The following MAPK8IP3 variants were observed in gnomAD, a reference collection of about 807,000 sequenced individuals.
MAPK8IP3 encodes C-Jun-amino-terminal kinase-interacting protein 3.
MAPK8IP3 carries 49 observed loss-of-function variants against 157.8 expected under a neutral mutation model. The ratio of observed to expected loss-of-function variants is 0.31; its 90% CI spans 0.25 to 0.39. MAPK8IP3 has a LOEUF of 0.39. Ranked by LOEUF, MAPK8IP3 falls within the 10% of genes least tolerant of loss-of-function variation. The pLI is 1.00. For missense variants in MAPK8IP3, 1,478 were observed against 1,889.4 expected, an observed-to-expected ratio of 0.78 and a Z score of 4.04; for synonymous variants, 897 against 777.7, an observed-to-expected ratio of 1.15 and a Z score of -2.55.
intron 4 of MAPK8IP3, among the ~76,000 whole-genome samples, chr16:1,735,675 C>A (rs1413040932): frequency 7.4e-6 from 1 of 135,540 alleles, no homozygotes; most frequent in African/African-American, 2.9e-5. Context: ...ATCCGTGTGA[C>A]CGTCCGTGTG....
intron 13 of MAPK8IP3, among the ~76,000 whole-genome samples, 199 bp downstream of exon 13, chr16:1,761,504 A>G (rs1244858511): frequency 6.8e-6 from 1 of 146,288 alleles, no homozygotes; most frequent in Non-Finnish European, 1.5e-5. Flanking sequence ...CACCATTCAC[A>G]GGCGGGGCGG....
At chr16:1,739,407 T>C (rs1415688082) in intron 4 of MAPK8IP3, among the ~76,000 whole-genome samples, 1 of 142,570 alleles carries the variant, frequency 7.0e-6, no homozygotes, top group Non-Finnish European at 1.5e-5. Context: ...TGACCGTCCA[T>C]GTGAGCATCC....
At chr16:1,739,617 ACCGT>A (rs1206288414) in intron 4 of MAPK8IP3, among the ~76,000 whole-genome samples, 8 of 110,640 alleles carry the variant, frequency 7.2e-5, no homozygotes, top group Non-Finnish European at 1.2e-4. Context: ...CTTCCGTGTG[ACCGT>A]CCGTGTGAGC....
intron 1 of MAPK8IP3, among the ~76,000 whole-genome samples, chr16:1,713,242 A>G (rs968703303): frequency 6.6e-6 from 1 of 151,758 alleles, no homozygotes; most frequent in Non-Finnish European, 1.5e-5. Flanking sequence ...GAGGAACTGG[A>G]TTTTTAGTTG....
At chr16:1,766,484 G>A (rs1421242665) in intron 22 of MAPK8IP3, 45 bp from the exon 23 acceptor site, 4 of 1,604,734 alleles carry the variant, frequency 2.5e-6, no homozygotes, top group Non-Finnish European at 3.4e-6. Flanking sequence ...CTTGGGGCAG[G>A]TGCGTGCTCC....
At chr16:1,764,672 G>C (rs1281398729) in intron 19 of MAPK8IP3, among the ~76,000 whole-genome samples, 1 of 152,206 alleles carries the variant, frequency 6.6e-6, no homozygotes, top group Non-Finnish European at 1.5e-5. Context: ...AGGTGGCCTG[G>C]AGTGGGCCTG....
chr16:1,727,815 A>G (rs2038994669), intron 2 of MAPK8IP3, among the ~76,000 whole-genome samples: 1 of 152,162 alleles, frequency 6.6e-6, no homozygotes, highest in African/African-American at 2.4e-5. Context: ...CGCGGCCTCC[A>G]AGGATGTGCC....
intron 4 of MAPK8IP3, among the ~76,000 whole-genome samples, chr16:1,740,254 G>T (rs561798213): frequency 6.9e-6 from 1 of 144,116 alleles, no homozygotes; most frequent in African/African-American, 2.6e-5. Context: ...GTGACCGTTC[G>T]TGTGAGTGTG....
In MAPK8IP3 at chr16:1,706,774, A is replaced by T. The variant is rs1327217280; in HGVS notation, c.318+117A>T. The T allele has an allele frequency of 9.0e-7, 1 of 1,115,426 alleles. No individual in the cohort carries two copies. Among genetic ancestry groups the T allele is most frequent in the African/African-American group, 2.1e-5 (1 of 47,432 alleles). The allele number at this position is 1,115,426 out of a possible 1,614,324, so 69.1% of individuals were successfully genotyped here. On this transcript the variant is annotated intron_variant, in intron 1 of 31. Transcript: ENST00000610761. The surrounding 1 kb of genome is among the most constrained non-coding windows in gnomAD (Gnocchi z 5.1). ...CCGCTCCGGCACCCCGGACCGCGGG[A>T]CCCCTGGACCCCCAGACCCCGCCCC...
intron 4 of MAPK8IP3, among the ~76,000 whole-genome samples, chr16:1,734,347 C>A (rs1212397311): frequency 6.6e-6 from 1 of 152,168 alleles, no homozygotes; most frequent in Non-Finnish European, 1.5e-5. Flanking sequence ...GGTACTGAGC[C>A]GCATCACCAG....
At chr16:1,757,095 C>A (rs1017727020) in intron 8 of MAPK8IP3, among the ~76,000 whole-genome samples, 4 of 152,198 alleles carry the variant, frequency 2.6e-5, no homozygotes, top group African/African-American at 9.6e-5. Context: ...GTTTTGTCAT[C>A]TAAATCAAGT....
At chr16:1,740,381 T>A (rs1053693218) in intron 4 of MAPK8IP3, among the ~76,000 whole-genome samples, 1 of 145,644 alleles carries the variant, frequency 6.9e-6, no homozygotes, top group African/African-American at 2.5e-5. Flanking sequence ...TGACCGTCCG[T>A]GTAAGCGTGT....
At chr16:1,715,953 C>T (rs1265040181) in intron 1 of MAPK8IP3, among the ~76,000 whole-genome samples, 7 of 152,212 alleles carry the variant, frequency 4.6e-5, no homozygotes, top group Admixed American at 2.0e-4. Flanking sequence ...TCTTGAACTC[C>T]TGACCTCACG....
intron 1 of MAPK8IP3, among the ~76,000 whole-genome samples, chr16:1,723,011 G>T (rs1318603454): frequency 6.6e-6 from 1 of 150,620 alleles, no homozygotes; most frequent in Admixed American, 6.6e-5. Context: ...AATTTTTTTT[G>T]TTTGTTTGTT....
intron 30 of MAPK8IP3, 26 bp from the exon 31 acceptor site, chr16:1,768,451 G>A (rs1046530099): frequency 1.3e-6 from 2 of 1,584,694 alleles, no homozygotes; most frequent in African/African-American, 1.3e-5. Context: ...GGAGGCCGCT[G>A]TCCTGAATCG....
In MAPK8IP3 at chr16:1,766,137, G is replaced by A. The variant is rs1470062917; in HGVS notation, c.2624G>A (p.Gly875Glu). Reference sequence around the variant, plus strand: ...GGGGACACCCCAGTGCTAGACAAGGGGCAGGGTGAGTCCTGGGCGAGTTTC... The same window carrying A: ...GGGGACACCCCAGTGCTAGACAAGGAGCAGGGTGAGTCCTGGGCGAGTTTC... ...SRGDTPVLDK[G>E]QGEVATIANG... is the part of the protein sequence containing the mutation. The change falls in exon 21 of 32, where the codon GGG (glycine) becomes GAG (glutamate). Residue 875 changes from glycine (G) to glutamate (E), a missense_variant. Gly to Glu is a moderately conservative substitution (Grantham distance 98, BLOSUM62 -2). Coordinates refer to ENST00000610761, the MANE Select transcript of MAPK8IP3 (RefSeq NM_001318852.2). 1 of 1,609,842 alleles carries A rather than the reference G, an allele frequency of 6.2e-7. No homozygotes were observed. Among genetic ancestry groups the A allele is most frequent in the Non-Finnish European group, 8.5e-7 (1 of 1,177,916 alleles).
intron 1 of MAPK8IP3, among the ~76,000 whole-genome samples, chr16:1,714,679 T>A (rs2038027798): frequency 6.6e-6 from 1 of 152,118 alleles, no homozygotes; most frequent in Admixed American, 6.6e-5. Flanking sequence ...AATTCCCAGA[T>A]ATACGCACAG....
intron 20 of MAPK8IP3, among the ~76,000 whole-genome samples, chr16:1,765,520 G>A (rs551189851): frequency 9.2e-4 from 140 of 152,332 alleles, no homozygotes; most frequent in African/African-American, 3.2e-3. Context: ...CAGTTGGGCC[G>A]AAGGGGCTAT....
At chr16:1,727,184 T>C (rs2038940449) in intron 2 of MAPK8IP3, among the ~76,000 whole-genome samples, 1 of 151,842 alleles carries the variant, frequency 6.6e-6, no homozygotes, top group East Asian at 1.9e-4. Flanking sequence ...TCGTGTGCTG[T>C]GTGCGGCATC....
Sources: allele counts gnomAD v4.1 joint callset (sites outside exome capture counted in the v4.1 genomes callset), GRCh38; gene constraint gnomAD v4.1.1; non-coding constraint Gnocchi (gnomAD v3.1); transcripts MANE v1.5; gene names NCBI Gene and HGNC (gene_info 2026-07-23, HGNC 2026-07-21).